Variants in SNX29 observed in about 807,000 individuals in gnomAD.
The protein encoded by SNX29 is sorting nexin 29, also known as sorting nexin-29.
Under a neutral mutation model 102.1 loss-of-function variants are expected in SNX29, and 78 were observed. The ratio of observed to expected loss-of-function variants is 0.76; its 90% CI spans 0.64 to 0.92. The LOEUF is 0.92. SNX29 is among the 40% of genes least tolerant of loss of function. SNX29 has a pLI of 0.00. For synonymous variants in SNX29, 580 were observed against 414.5 expected (o/e 1.40, Z -4.85); for missense variants, 1,280 against 1,061.7 (o/e 1.21, Z -2.86).
At chr16:12,375,169 C>T (rs1456612387) in intron 16 of SNX29, 1 of 152,138 alleles carries the variant, frequency 6.6e-6, no homozygotes, top group Non-Finnish European at 1.5e-5. Flanking sequence ...GAACACTCCT[C>T]TAGATTTTAT....
Position 12,572,679 on chromosome 16 carries a change from G to A in SNX29, c.*4050G>A, listed in dbSNP as rs2079213072. 2 of 1,063,820 alleles carry A rather than the reference G, an allele frequency of 1.9e-6. No individual in the cohort carries two copies. Among genetic ancestry groups the A allele is most frequent in the South Asian group, 4.6e-5 (1 of 21,974 alleles). The allele number at this position is 1,063,820 out of a possible 1,614,324, so 65.9% of individuals were successfully genotyped here. Reference sequence around the variant, plus strand: ...GTGTGAGCTGCAGCACCCACACGGGGGAAGCCCTGCACTCCAGCAGCATCT... The same window carrying A: ...GTGTGAGCTGCAGCACCCACACGGGAGAAGCCCTGCACTCCAGCAGCATCT... On this transcript the variant is annotated 3_prime_UTR_variant, in exon 21 of 21. Coordinates refer to ENST00000566228, the MANE Select transcript of SNX29 (RefSeq NM_032167.5).
rs530959574 is a variant in SNX29 at position 12,555,138 on chromosome 16, A to G, written c.2319-13368A>G. Among the ~76,000 whole-genome samples the G allele has an allele frequency of 7.9e-5, 12 of 151,918 alleles. No individual in the cohort carries two copies. The East Asian group carries it at 7.9e-4, about 10-fold the overall frequency. On this transcript the variant is annotated intron_variant, in intron 20 of 20. Coordinates refer to ENST00000566228, the MANE Select transcript of SNX29 (RefSeq NM_032167.5). ...AGAGTATCAAAAGGCTTATTCTCAGACTTGGTCCAGGAGTGACAGGGTCTG... is the reference window on the plus strand; with the variant it reads ...AGAGTATCAAAAGGCTTATTCTCAGGCTTGGTCCAGGAGTGACAGGGTCTG...
At chr16:12,422,075 C>T (rs1051646977) in intron 18 of SNX29, among the ~76,000 whole-genome samples, 1 of 152,220 alleles carries the variant, frequency 6.6e-6, no homozygotes, top group Non-Finnish European at 1.5e-5. Flanking sequence ...CAAACATTGT[C>T]ATCAACAGTA....
chr16:12,219,136 G>A (rs533668541), intron 14 of SNX29, among the ~76,000 whole-genome samples: 2 of 152,302 alleles, frequency 1.3e-5, no homozygotes, highest in South Asian at 4.1e-4. Context: ...ATATCCTGGG[G>A]CCTTTTGGCA....
chr16:12,066,100 C>T (rs779821075), intron 9 of SNX29, among the ~76,000 whole-genome samples: 29 of 152,220 alleles, frequency 1.9e-4, no homozygotes, highest in African/African-American at 5.5e-4. Flanking sequence ...CCTCACTGAG[C>T]GCTCTCATTG....
intron 11 of SNX29, among the ~76,000 whole-genome samples, chr16:12,117,042 C>T (rs1462393151): frequency 2.7e-5 from 4 of 146,672 alleles, no homozygotes; most frequent in Admixed American, 6.8e-5. Context: ...TGGAAACAGG[C>T]GTGTTCAATA....
intron 9 of SNX29, among the ~76,000 whole-genome samples, chr16:12,067,456 G>A (rs2051088825): frequency 6.6e-6 from 1 of 152,094 alleles, no homozygotes; most frequent in Admixed American, 6.6e-5. Flanking sequence ...TGCACGGCTG[G>A]TTCCATAGTG....
intron 14 of SNX29, among the ~76,000 whole-genome samples, chr16:12,259,715 C>A (rs940808373): frequency 6.6e-6 from 1 of 152,204 alleles, no homozygotes; most frequent in Non-Finnish European, 1.5e-5. Context: ...TATTAAAATG[C>A]AGATTCCTGG....
chr16:12,100,986 G>T (rs1486350760), intron 11 of SNX29, among the ~76,000 whole-genome samples: 1 of 152,158 alleles, frequency 6.6e-6, no homozygotes, highest in Non-Finnish European at 1.5e-5. Context: ...TGCAACACCT[G>T]CCCACGGTGA....
intron 13 of SNX29, 105 bp downstream of exon 13, chr16:12,129,863 G>C: frequency 7.3e-7 from 1 of 1,361,644 alleles, no homozygotes; most frequent in African/African-American, 1.5e-5. Context: ...CCAGCACTTT[G>C]GGAGGCCAAG....
intron 16 of SNX29, among the ~76,000 whole-genome samples, chr16:12,395,668 A>G (rs1468305226): frequency 6.6e-6 from 1 of 152,192 alleles, no homozygotes; most frequent in Non-Finnish European, 1.5e-5. Flanking sequence ...CTAAAGAGAA[A>G]TCTGCATCCC....
At chr16:12,524,404 C>T (rs1428019499) in intron 19 of SNX29, among the ~76,000 whole-genome samples, 1 of 151,918 alleles carries the variant, frequency 6.6e-6, no homozygotes, top group Non-Finnish European at 1.5e-5. Context: ...CCCTGACCCC[C>T]AGCACCACAT....
chr16:12,435,775 C>G, intron 18 of SNX29, among the ~76,000 whole-genome samples: 1 of 152,150 alleles, frequency 6.6e-6, no homozygotes, highest in Non-Finnish European at 1.5e-5. Flanking sequence ...TGCAGCAGAG[C>G]CAGCCACTCC....
At chr16:12,133,045 G>A (rs2054525776) in intron 13 of SNX29, among the ~76,000 whole-genome samples, 2 of 152,196 alleles carry the variant, frequency 1.3e-5, no homozygotes, top group African/African-American at 2.4e-5. Context: ...GGGGCACAGG[G>A]CAGGGCAGTG....
At chr16:12,372,359 T>C (rs762747970) in intron 16 of SNX29, among the ~76,000 whole-genome samples, 3 of 152,242 alleles carry the variant, frequency 2.0e-5, no homozygotes, top group Non-Finnish European at 4.4e-5. Context: ...TAGGTACGTT[T>C]CTAATGTTCT....
intron 13 of SNX29, among the ~76,000 whole-genome samples, chr16:12,165,618 T>C (rs1389365578): frequency 6.6e-6 from 1 of 152,246 alleles, no homozygotes; most frequent in Non-Finnish European, 1.5e-5. Flanking sequence ...TGGAGTGCAG[T>C]GTTGCAATCT....
At chr16:12,197,314 A>G (rs572542458) in intron 13 of SNX29, among the ~76,000 whole-genome samples, 1 of 152,250 alleles carries the variant, frequency 6.6e-6, no homozygotes, top group Non-Finnish European at 1.5e-5. Flanking sequence ...TCACACCTGT[A>G]ATCCCAGCAC....
At chr16:12,289,204 A>G (rs781244019) in intron 15 of SNX29, among the ~76,000 whole-genome samples, 2 of 152,170 alleles carry the variant, frequency 1.3e-5, no homozygotes, top group Non-Finnish European at 2.9e-5. Context: ...TCTTGTGCTC[A>G]CTGGATGTTC....
chr16:12,483,114 G>GTTTTTGTTTTTTTTT lies in SNX29; in HGVS notation c.2178+5260_2178+5261insGTTTTTTTTTTTTTT, dbSNP rs71139598. Among the ~76,000 whole-genome samples, 123 of 66,208 alleles carry GTTTTTGTTTTTTTTT rather than the reference G, an allele frequency of 1.9e-3. 11 individuals carry two copies. Among genetic ancestry groups the GTTTTTGTTTTTTTTT allele is most frequent in the Middle Eastern group, 0.024 (2 of 82 alleles). 43.4% of individuals were successfully genotyped at this position (66,208 alleles called of 152,430 possible). On this transcript the variant is annotated intron_variant, in intron 19 of 20. Transcript: ENST00000566228. Reference sequence around the variant, plus strand: ...AATAGATACATATTGAAGTTATTAAGTTTTTTTTTTTTTTTTTTTTTTTTT... The same window carrying GTTTTTGTTTTTTTTT: ...AATAGATACATATTGAAGTTATTAAGTTTTTGTTTTTTTTTTTTTTTTTTTTTTTTTTTTTTTTTT...
Sources: allele counts gnomAD v4.1 joint callset (sites outside exome capture counted in the v4.1 genomes callset), GRCh38; gene constraint gnomAD v4.1.1; transcripts MANE v1.5; gene names NCBI Gene and HGNC (gene_info 2026-07-23, HGNC 2026-07-21).